The following DOK5 variants were observed in gnomAD, a reference collection of about 807,000 sequenced individuals.
DOK5 encodes the protein downstream of tyrosine kinase 5.
Under a neutral mutation model 43.3 loss-of-function variants are expected in DOK5, and 27 were observed. The observed-to-expected ratio is 0.62, with a 90% CI of 0.46 to 0.86. The LOEUF is 0.86. Among genes scored for constraint, DOK5 ranks in the 40% least tolerant of loss-of-function variants. The pLI is 0.00. For synonymous variants in DOK5, 146 were observed against 140.1 expected, an observed-to-expected ratio of 1.04 and a Z score of -0.30; for missense variants, 373 against 392.9, an observed-to-expected ratio of 0.95 and a Z score of 0.43.
intron 1 of DOK5, among the ~76,000 whole-genome samples, chr20:54,530,472 A>G (rs554442490): frequency 1.1e-4 from 16 of 152,150 alleles, no homozygotes; most frequent in Admixed American, 2.0e-4. Flanking sequence ...AGAAACATTT[A>G]CTATCTCTTC....
chr20:54,621,866 T>C (rs142458757), intron 6 of DOK5, among the ~76,000 whole-genome samples: 1 of 152,166 alleles, frequency 6.6e-6, no homozygotes, highest in East Asian at 1.9e-4. Flanking sequence ...TGCACCACTA[T>C]GCTGTACTTA....
intron 2 of DOK5, among the ~76,000 whole-genome samples, chr20:54,575,309 C>T (rs1407618965): frequency 6.6e-6 from 1 of 152,170 alleles, no homozygotes; most frequent in African/African-American, 2.4e-5. Flanking sequence ...GGCATGGGCA[C>T]ACACACCTTT....
chr20:54,618,994 G>A (rs755999428), intron 6 of DOK5, among the ~76,000 whole-genome samples: 2 of 131,980 alleles, frequency 1.5e-5, no homozygotes, highest in Non-Finnish European at 3.2e-5. Context: ...TCCAGCCTGG[G>A]CAACAGAACA....
chr20:54,502,176 C>G (rs555714872), intron 1 of DOK5, among the ~76,000 whole-genome samples: 47 of 152,298 alleles, frequency 3.1e-4, no homozygotes, highest in African/African-American at 1.1e-3. Context: ...AATTTAATAA[C>G]CATTATACCA....
chr20:54,596,009 T>C (rs979576815), intron 5 of DOK5, among the ~76,000 whole-genome samples: 2 of 152,374 alleles, frequency 1.3e-5, no homozygotes, highest in South Asian at 4.1e-4. Context: ...ATAGTATCTT[T>C]GGTATTCTAT....
intron 1 of DOK5, among the ~76,000 whole-genome samples, chr20:54,552,453 A>G (rs1984561842): frequency 6.6e-6 from 1 of 151,124 alleles, no homozygotes; most frequent in South Asian, 2.1e-4. Context: ...TACACTATCT[A>G]TATTACTATT....
At chr20:54,546,383 C>A (rs769445859) in intron 1 of DOK5, among the ~76,000 whole-genome samples, 3 of 152,128 alleles carry the variant, frequency 2.0e-5, no homozygotes, top group Non-Finnish European at 4.4e-5. Context: ...TCAGTCAGCA[C>A]TGTGAGGATA....
intron 5 of DOK5, among the ~76,000 whole-genome samples, chr20:54,592,881 T>C (rs1467978064): frequency 6.6e-6 from 1 of 152,176 alleles, no homozygotes; most frequent in African/African-American, 2.4e-5. Context: ...TTAAGAAATA[T>C]AAGTTCTTCT....
At chr20:54,637,319 C>A (rs1035021027) in intron 6 of DOK5, among the ~76,000 whole-genome samples, 22 of 152,236 alleles carry the variant, frequency 1.4e-4, no homozygotes, top group Non-Finnish European at 2.6e-4. Flanking sequence ...AAGAGACCTG[C>A]ATGCATTCAT....
chr20:54,531,579 C>T (rs1447966243), intron 1 of DOK5, among the ~76,000 whole-genome samples: 4 of 152,276 alleles, frequency 2.6e-5, no homozygotes, highest in Non-Finnish European at 2.9e-5. Context: ...CTTGCCTCCA[C>T]GTATTACTAT....
chr20:54,550,858 T>G (rs1233606288), intron 1 of DOK5, among the ~76,000 whole-genome samples: 1 of 152,066 alleles, frequency 6.6e-6, no homozygotes, highest in Non-Finnish European at 1.5e-5. Flanking sequence ...GCTATAAATA[T>G]TCATATACAG....
chr20:54,601,849 C>T (rs1169106643), intron 5 of DOK5, among the ~76,000 whole-genome samples: 1 of 152,222 alleles, frequency 6.6e-6, no homozygotes, highest in African/African-American at 2.4e-5. Context: ...TTTTTGCATC[C>T]TAGTTTTTCT....
At chr20:54,505,337 G>A (rs561428212) in intron 1 of DOK5, among the ~76,000 whole-genome samples, 7 of 152,168 alleles carry the variant, frequency 4.6e-5, no homozygotes, top group South Asian at 2.1e-4. Flanking sequence ...TGCACACCTC[G>A]CAGCAGCAAG....
chr20:54,572,602 T>C (rs1225709967), intron 2 of DOK5, among the ~76,000 whole-genome samples: 1 of 152,222 alleles, frequency 6.6e-6, no homozygotes, highest in Non-Finnish European at 1.5e-5. Flanking sequence ...TGTCAGCCAC[T>C]GCCGCTATTA....
chr20:54,496,126 A>T (rs1242343943), intron 1 of DOK5, among the ~76,000 whole-genome samples: 1 of 152,228 alleles, frequency 6.6e-6, no homozygotes, highest in Non-Finnish European at 1.5e-5. Flanking sequence ...TATTATAAAG[A>T]TGAAGAAAAG....
At chr20:54,504,074 A>G (rs536249474) in intron 1 of DOK5, among the ~76,000 whole-genome samples, 5 of 152,282 alleles carry the variant, frequency 3.3e-5, no homozygotes, top group Non-Finnish European at 7.4e-5. Flanking sequence ...CGCATGAGTG[A>G]GAGTAGTGTG....
intron 2 of DOK5, among the ~76,000 whole-genome samples, chr20:54,558,325 A>T (rs990675937): frequency 4.6e-5 from 7 of 152,342 alleles, no homozygotes; most frequent in African/African-American, 1.7e-4. Context: ...TGGCTTTGGA[A>T]TTTAATATGT....
intron 1 of DOK5, among the ~76,000 whole-genome samples, chr20:54,550,180 CAA>C (rs11483522): frequency 1.4e-3 from 120 of 87,330 alleles, no homozygotes; most frequent in Non-Finnish European, 1.1e-3. Context: ...GATTGGATGG[CAA>C]AAAAAAAAAA....
chr20:54,579,737 CT>C (rs932441237), intron 2 of DOK5, among the ~76,000 whole-genome samples: 3 of 152,008 alleles, frequency 2.0e-5, no homozygotes, highest in African/African-American at 7.3e-5. Context: ...GAATTTCCTT[CT>C]TTTTTAGGGT....
Sources: allele counts gnomAD v4.1 joint callset (sites outside exome capture counted in the v4.1 genomes callset), GRCh38; gene constraint gnomAD v4.1.1; transcripts MANE v1.5; gene names NCBI Gene and HGNC (gene_info 2026-07-23, HGNC 2026-07-21).